Variants in SPRED1 observed in about 807,000 individuals in gnomAD.
SPRED1 encodes the protein sprouty related EVH1 domain containing 1, also known as sprouty-related, EVH1 domain-containing protein 1.
Under a neutral mutation model 52.3 loss-of-function variants are expected in SPRED1, and 18 were observed. The observed-to-expected ratio is 0.34, with a 90% CI of 0.24 to 0.51. The LOEUF is 0.51. Ranked by LOEUF, SPRED1 falls within the 20% of genes least tolerant of loss-of-function variation. The probability of loss-of-function intolerance (pLI) is 0.97; values close to 1 mark genes in which losing one functional copy is unlikely to be tolerated. For missense variants in SPRED1, 485 were observed against 551.0 expected, an observed-to-expected ratio of 0.88 and a Z score of 1.20; for synonymous variants, 155 against 179.7, an observed-to-expected ratio of 0.86 and a Z score of 1.10.
At chr15:38,346,902 T>C (rs1896150335) in intron 5 of SPRED1, among the ~76,000 whole-genome samples, 1 of 152,208 alleles carries the variant, frequency 6.6e-6, no homozygotes, top group African/African-American at 2.4e-5. Flanking sequence ...CCTTTACAAA[T>C]GGATTTTAAC....
chr15:38,298,601 T>C, intron 1 of SPRED1: 1 of 272,008 alleles, frequency 3.7e-6, no homozygotes, highest in South Asian at 3.4e-5. Flanking sequence ...TGATTCCATT[T>C]ATTTGAAGGC....
chr15:38,288,515 A>G (rs1327581813), intron 1 of SPRED1, among the ~76,000 whole-genome samples: 1 of 152,152 alleles, frequency 6.6e-6, no homozygotes, highest in Non-Finnish European at 1.5e-5. Flanking sequence ...TGCTGGTGCT[A>G]CTCCGAGGAG....
At chr15:38,332,139 A>G (rs537000767) in intron 4 of SPRED1, among the ~76,000 whole-genome samples, 13 of 152,338 alleles carry the variant, frequency 8.5e-5, no homozygotes, top group South Asian at 2.1e-4. Flanking sequence ...CAAATTATAC[A>G]TAGCATGTAA....
In SPRED1 at chr15:38,356,329, A is replaced by C. The variant is rs1888620784; in HGVS notation, c.*4665A>C. 6.6e-6 allele frequency: 1 copy of C among 152,148 alleles called. No homozygotes were observed. The highest frequency in any genetic ancestry group is 6.5e-5 in the Admixed American group (1 of 15,280). The allele number at this position is 152,148 out of a possible 1,614,324, so 9.4% of individuals were successfully genotyped here. On this transcript the variant is annotated 3_prime_UTR_variant, in exon 7 of 7. Coordinates refer to ENST00000299084, the MANE Select transcript of SPRED1 (RefSeq NM_152594.3). Reference sequence around the variant, plus strand: ...GTATATAATGTAAATAATACATTATAAGTTTGTAACCATTTCTGTTACTTC... The same window carrying C: ...GTATATAATGTAAATAATACATTATCAGTTTGTAACCATTTCTGTTACTTC...
Position 38,328,314 on chromosome 15 carries a change from T to G in SPRED1, c.423+3505T>G, listed in dbSNP as rs565999409. On this transcript the variant is annotated intron_variant, in intron 4 of 6. Transcript: ENST00000299084. ...ATGTCAAGAGTGGAAATCCTCTCCC[T>G]TTTGGATGTTCATTAATTAATTCAA... is the stretch of plus-strand genomic sequence containing the variant. Among the ~76,000 whole-genome samples the G allele has an allele frequency of 1.1e-3, 170 of 152,362 alleles. 2 individuals are homozygous for G. Among genetic ancestry groups the G allele is most frequent in the Admixed American group, 9.4e-3 (144 of 15,296 alleles).
At chr15:38,258,400 G>A (rs1464097811) in intron 1 of SPRED1, among the ~76,000 whole-genome samples, 1 of 152,098 alleles carries the variant, frequency 6.6e-6, no homozygotes, top group African/African-American at 2.4e-5. Flanking sequence ...TATGTTCAGT[G>A]TATGATATAC....
chr15:38,281,556 C>G (rs1894688345), intron 1 of SPRED1, among the ~76,000 whole-genome samples: 1 of 137,492 alleles, frequency 7.3e-6, no homozygotes, highest in Admixed American at 7.8e-5. Flanking sequence ...CCATGCCCAT[C>G]TAATTTTTTT....
Position 38,303,604 on chromosome 15 carries a change from T to C in SPRED1, c.207+4057T>C, listed in dbSNP as rs565237316. 4.6e-5 allele frequency among the ~76,000 whole-genome samples: 7 copies of C among 152,274 alleles called. No individual in the cohort carries two copies. The East Asian group carries it at 1.3e-3, about 29-fold the overall frequency. ...TATCAAAAGTTTGCTAAAATATCTG[T>C]TTACTACTAAACACAGTTTTTAGTT... On this transcript the variant is annotated intron_variant, in intron 2 of 6. Transcript: ENST00000299084.
chr15:38,272,275 G>GTTTTTTTT (rs1894451229), intron 1 of SPRED1, among the ~76,000 whole-genome samples: 1 of 24,390 alleles, frequency 4.1e-5, no homozygotes. Flanking sequence ...TCGAATGCTA[G>GTTTTTTTT]GTTTTTTTTT....
At chr15:38,293,981 G>A (rs780625673) in intron 1 of SPRED1, among the ~76,000 whole-genome samples, 9 of 151,944 alleles carry the variant, frequency 5.9e-5, no homozygotes, top group Non-Finnish European at 1.2e-4. Context: ...GCTTCTACAG[G>A]GAGAGGATCA....
chr15:38,292,331 C>T (rs1040937172), intron 1 of SPRED1, among the ~76,000 whole-genome samples: 3 of 152,190 alleles, frequency 2.0e-5, no homozygotes, highest in African/African-American at 7.2e-5. Flanking sequence ...CCAAATTGTT[C>T]CAAACTCTGC....
At chr15:38,270,804 ATG>A (rs986427189) in intron 1 of SPRED1, among the ~76,000 whole-genome samples, 2 of 152,226 alleles carry the variant, frequency 1.3e-5, no homozygotes, top group Non-Finnish European at 2.9e-5. Flanking sequence ...AATTAAAAAA[ATG>A]TATGTATGTA....
chr15:38,347,497 T>G (rs1896166594), intron 5 of SPRED1, among the ~76,000 whole-genome samples: 1 of 136,472 alleles, frequency 7.3e-6, no homozygotes, highest in African/African-American at 2.7e-5. Context: ...AATTTGGCTG[T>G]TTGCCCTTTT....
intron 1 of SPRED1, among the ~76,000 whole-genome samples, chr15:38,283,086 G>A (rs1292155738): frequency 6.6e-6 from 1 of 152,122 alleles, no homozygotes; most frequent in Non-Finnish European, 1.5e-5. Flanking sequence ...AAGGGATTTA[G>A]TGACTCACGG....
At chr15:38,285,739 A>G (rs944603013) in intron 1 of SPRED1, among the ~76,000 whole-genome samples, 1 of 152,156 alleles carries the variant, frequency 6.6e-6, no homozygotes, top group Non-Finnish European at 1.5e-5. Context: ...TCATGTTTAA[A>G]AGATCACTCA....
intron 4 of SPRED1, among the ~76,000 whole-genome samples, chr15:38,326,776 C>T (rs1217715233): frequency 6.6e-6 from 1 of 152,058 alleles, no homozygotes; most frequent in Non-Finnish European, 1.5e-5. Flanking sequence ...TGGCAGGAAG[C>T]AAGTTGAAAA....
At chr15:38,307,525 G>A (rs1344303688) in intron 2 of SPRED1, among the ~76,000 whole-genome samples, 1 of 152,080 alleles carries the variant, frequency 6.6e-6, no homozygotes, top group Non-Finnish European at 1.5e-5. Flanking sequence ...CCACCTTTAT[G>A]ACCTCATTTA....
rs1176854079 is a variant in SPRED1 at position 38,355,883 on chromosome 15, C to A, written c.*4219C>A. 6.6e-6 allele frequency: 1 copy of A among 151,872 alleles called. No homozygotes were observed. Among genetic ancestry groups the A allele is most frequent in the Non-Finnish European group, 1.5e-5 (1 of 67,970 alleles). The allele number at this position is 151,872 out of a possible 1,614,324, so 9.4% of individuals were successfully genotyped here. ...TGAGACAAACATGAAGAATGAATTT[C>A]TTTAAGAGAGAAACACAACCGGAGG... On this transcript the variant is annotated 3_prime_UTR_variant, in exon 7 of 7. Coordinates refer to ENST00000299084, the MANE Select transcript of SPRED1 (RefSeq NM_152594.3).
At chr15:38,289,044 G>A (rs1169538922) in intron 1 of SPRED1, among the ~76,000 whole-genome samples, 3 of 152,058 alleles carry the variant, frequency 2.0e-5, no homozygotes, top group African/African-American at 7.2e-5. Context: ...TTAAACCTTA[G>A]GAATCAGGGA....
Sources: gnomAD v4.1 joint callset for allele counts (sites outside exome capture counted in the v4.1 genomes callset) on GRCh38, gnomAD v4.1.1 for gene constraint, MANE v1.5 for transcripts, NCBI Gene and HGNC (gene_info 2026-07-23, HGNC 2026-07-21) for gene names.